Variants in C5orf34 observed in about 807,000 individuals in gnomAD.
C5orf34 encodes chromosome 5 open reading frame 34, also known as uncharacterized protein C5orf34.
In C5orf34, 73 loss-of-function variants were observed where a neutral mutation model predicts 78.4. The observed-to-expected ratio is 0.93, with a 90% CI of 0.77 to 1.13. C5orf34 has a LOEUF of 1.13. Among genes scored for constraint, C5orf34 ranks in the 50% most tolerant of loss-of-function variants. C5orf34 has a pLI of 0.00. For missense variants in C5orf34, 730 were observed against 732.7 expected, an observed-to-expected ratio of 1.00 and a Z score of 0.04; for synonymous variants, 251 against 246.6, an observed-to-expected ratio of 1.02 and a Z score of -0.17.
At chr5:43,492,135 A>G in intron 10 of C5orf34, 80 bp downstream of exon 10, 1 of 940,940 alleles carries the variant, frequency 1.1e-6, no homozygotes, top group South Asian at 1.5e-5. Context: ...TATATATAAC[A>G]CTTAAATAAT....
rs757988454 is a variant in C5orf34, at chr5:43,486,720, A to G, written c.*195T>C. 3.9e-5 allele frequency: 13 copies of G among 332,686 alleles called. No homozygotes were observed. The highest frequency in any genetic ancestry group is 6.5e-5 in the Non-Finnish European group (12 of 184,620). The allele number at this position is 332,686 out of a possible 1,614,324, so 20.6% of individuals were successfully genotyped here. A position where few individuals can be genotyped will look rare whatever the true frequency, so the allele number is the denominator to read the frequency against. On this transcript the variant is annotated 3_prime_UTR_variant, in exon 13 of 13. Transcript: ENST00000306862. ...AATGTGAAACGTTCAAAACTTCGAA[A>G]TATTTATTATTAAGATATAAATACA...
chr5:43,490,584 T>A (rs556300276), intron 11 of C5orf34, 47 bp downstream of exon 11: 53 of 1,221,542 alleles, frequency 4.3e-5, no homozygotes, highest in East Asian at 9.7e-5. Context: ...TAATTTTTTT[T>A]AAAGTATTAG....
chr5:43,510,786 A>C (rs368907102), intron 1 of C5orf34, among the ~76,000 whole-genome samples: 19 of 151,270 alleles, frequency 1.3e-4, no homozygotes, highest in East Asian at 9.7e-4. Flanking sequence ...GATCTCGGCT[A>C]GCTACAACCT....
rs1215082773 is a variant in C5orf34 at position 43,505,893 on chromosome 5, T to G, written c.787A>C (p.Asn263His). ...YPLSLALHFH[N>H]KISNMSKIDA... ...ATTTTAGACATATTGCTGATTTTAT[T>G]ATGAAAATGAAGTGCTAAAGACAAA... The change falls in exon 4 of 13, where the codon AAT becomes CAT. Residue 263 changes from asparagine (N) to histidine (H), a missense_variant. Transcript: ENST00000306862. The G allele has an allele frequency of 1.9e-6, 3 of 1,613,870 alleles. No individual in the cohort carries two copies. Among genetic ancestry groups the G allele is most frequent in the African/African-American group, 2.7e-5 (2 of 74,936 alleles).
chr5:43,505,512 T>C (rs1745942193), intron 4 of C5orf34: 1 of 433,844 alleles, frequency 2.3e-6, no homozygotes, highest in Non-Finnish European at 4.1e-6. Flanking sequence ...ATCTCTGCAG[T>C]TACTGGACTT....
intron 11 of C5orf34, 174 bp downstream of exon 11, chr5:43,490,457 G>A: frequency 2.1e-6 from 1 of 468,492 alleles, no homozygotes; most frequent in South Asian, 3.9e-5. Flanking sequence ...TAAATTAGAT[G>A]TCTGATTAGA....
chr5:43,499,476 A>G (rs1048257955), intron 6 of C5orf34, among the ~76,000 whole-genome samples: 1 of 152,074 alleles, frequency 6.6e-6, no homozygotes, highest in Admixed American at 6.6e-5. Flanking sequence ...TCCTATTTCA[A>G]TTTTTAATTA....
intron 1 of C5orf34, among the ~76,000 whole-genome samples, chr5:43,513,835 A>G (rs1235838732): frequency 1.3e-5 from 2 of 152,328 alleles, no homozygotes; most frequent in East Asian, 1.9e-4. Context: ...ATCATTTGTC[A>G]TCCCTCTTCA....
chr5:43,497,565 A>G (rs1287468305), intron 6 of C5orf34, among the ~76,000 whole-genome samples: 4 of 152,152 alleles, frequency 2.6e-5, no homozygotes, highest in Non-Finnish European at 5.9e-5. Context: ...TCTGCCTCTT[A>G]CCAACTATAA....
intron 1 of C5orf34, 75 bp from the exon 2 acceptor site, chr5:43,509,450 C>T (rs1746130581): frequency 3.8e-6 from 3 of 782,224 alleles, no homozygotes; most frequent in Non-Finnish European, 5.8e-6. Context: ...TAAGTGCGTG[C>T]ATTTTCTAAG....
chr5:43,492,759 G>T lies in C5orf34; in HGVS notation c.1446C>A (p.Thr482=), dbSNP rs1449526439. 9 of 1,612,804 alleles carry T rather than the reference G, an allele frequency of 5.6e-6. No homozygotes were observed. Among genetic ancestry groups the T allele is most frequent in the Non-Finnish European group, 7.6e-6 (9 of 1,179,350 alleles). Residue 482 remains threonine, a synonymous_variant, in exon 9 of 13, where the codon ACC becomes ACA. Transcript: ENST00000306862. ...HAIFLDGITL[T]LNWNFSSPIE... is the part of the protein sequence containing the mutation. ...TAGGAGAGCTGAAATTCCAATTTAG[G>T]GTTAGAGTAATGCCATCTAAAAAGA...
rs770680112 is a variant in C5orf34 at position 43,505,960 on chromosome 5, C to G, written c.720G>C (p.Gln240His). The change falls in exon 4 of 13, where the codon CAG becomes CAC. Residue 240 changes from glutamine (Q) to histidine (H), a missense_variant. By Grantham distance (24) the Gln-to-His change is conservative. Coordinates refer to ENST00000306862, the MANE Select transcript of C5orf34 (RefSeq NM_198566.4). ...CTGGACAGGCAGCCACAGACCAGCA[C>G]TGCTTGACCCATGTGTATACACATG... ...KHTCVYTWVK[Q>H]CWSVAACPEE... is the part of the protein sequence containing the mutation. 10 of 1,614,206 alleles carry G rather than the reference C, an allele frequency of 6.2e-6. No individual in the cohort carries two copies. In the East Asian group the frequency reaches 2.2e-4, roughly 36 times the overall value.
Position 43,489,180 on chromosome 5 carries a change from G to A in C5orf34, c.1680-1231C>T, listed in dbSNP as rs192300466. Among the ~76,000 whole-genome samples, 58 of 151,756 alleles carry A rather than the reference G, an allele frequency of 3.8e-4. 1 individual carries two copies. The highest frequency in any genetic ancestry group is 1.4e-3 in the African/African-American group (56 of 41,388). On this transcript the variant is annotated intron_variant, in intron 11 of 12. Transcript: ENST00000306862. Reference sequence around the variant, plus strand: ...TATTGTTATTGCTCTCATAATGAACGAACTTTTTATGAAACGTACTATTTG... The same window carrying A: ...TATTGTTATTGCTCTCATAATGAACAAACTTTTTATGAAACGTACTATTTG...
intron 3 of C5orf34, among the ~76,000 whole-genome samples, chr5:43,507,135 TA>T (rs1561216125): frequency 1.3e-5 from 2 of 152,246 alleles, no homozygotes; most frequent in African/African-American, 2.4e-5. Context: ...GAGGAAACTT[TA>T]AAAAAGTTTA....
At chr5:43,495,405 G>A in intron 6 of C5orf34, 1 of 1,611,690 alleles carries the variant, frequency 6.2e-7, no homozygotes, top group Non-Finnish European at 8.5e-7. Flanking sequence ...GCGCTTATTT[G>A]GCCTGGATGG....
chr5:43,492,091 G>T (rs1430777664), intron 10 of C5orf34, 124 bp downstream of exon 10: 5 of 596,730 alleles, frequency 8.4e-6, no homozygotes, highest in Non-Finnish European at 1.5e-5. Flanking sequence ...CGACTGAAAT[G>T]CCTTCATTAT....
intron 11 of C5orf34, among the ~76,000 whole-genome samples, chr5:43,489,315 A>G (rs962884037): frequency 2.6e-5 from 4 of 152,090 alleles, no homozygotes; most frequent in Non-Finnish European, 5.9e-5. Flanking sequence ...TCTTCCTTCA[A>G]CCTACCCTCT....
intron 1 of C5orf34, among the ~76,000 whole-genome samples, chr5:43,512,273 C>T (rs1746293180): frequency 6.6e-6 from 1 of 152,210 alleles, no homozygotes; most frequent in South Asian, 2.1e-4. Flanking sequence ...ACATTATCCC[C>T]TTCTACTACC....
intron 4 of C5orf34, among the ~76,000 whole-genome samples, chr5:43,505,314 C>G (rs979568069): frequency 9.2e-5 from 14 of 152,166 alleles, no homozygotes; most frequent in Non-Finnish European, 1.9e-4. Flanking sequence ...GACAAAAGAA[C>G]TGTGTCAGAT....
Sources: allele counts gnomAD v4.1 joint callset (sites outside exome capture counted in the v4.1 genomes callset), GRCh38; gene constraint gnomAD v4.1.1; transcripts MANE v1.5; gene names NCBI Gene and HGNC (gene_info 2026-07-23, HGNC 2026-07-21).